DLG2: variants seen among roughly 807,000 people sequenced by gnomAD.
DLG2 encodes the protein discs large MAGUK scaffold protein 2.
Under a neutral mutation model 132.5 loss-of-function variants are expected in DLG2, and 45 were observed. The observed-to-expected ratio is 0.34, with a 90% CI of 0.27 to 0.44. The LOEUF (loss-of-function observed/expected upper bound fraction) is 0.44, where lower values mean the gene tolerates loss of function less well. Ranked by LOEUF, DLG2 falls within the 20% of genes least tolerant of loss-of-function variation. DLG2 has a pLI of 1.00. For synonymous variants in DLG2, 424 were observed against 419.6 expected (o/e 1.01, Z -0.13); for missense variants, 1,045 against 1,196.9 (o/e 0.87, Z 1.87).
intron 15 of DLG2, among the ~76,000 whole-genome samples, chr11:83,914,918 T>A (rs2076681550): frequency 6.6e-6 from 1 of 152,070 alleles, no homozygotes; most frequent in African/African-American, 2.4e-5. Flanking sequence ...GATCTGTGGG[T>A]GTGGATGTGT....
chr11:85,390,184 A>G (rs1235736623), intron 3 of DLG2, among the ~76,000 whole-genome samples: 2 of 152,174 alleles, frequency 1.3e-5, no homozygotes, highest in African/African-American at 2.4e-5. Context: ...AATGAACACC[A>G]AAAGGGAGCA....
intron 6 of DLG2, among the ~76,000 whole-genome samples, chr11:84,599,349 G>C (rs2099570602): frequency 6.6e-6 from 1 of 152,074 alleles, no homozygotes; most frequent in Admixed American, 6.5e-5. Flanking sequence ...ATCCATAAGC[G>C]GTGCTCCCTC....
intron 6 of DLG2, among the ~76,000 whole-genome samples, chr11:84,992,002 TG>T (rs2154125779): frequency 6.6e-6 from 1 of 152,338 alleles, no homozygotes; most frequent in Non-Finnish European, 1.5e-5. Flanking sequence ...ATTCCAATCA[TG>T]AAGGCATCTA....
chr11:84,624,686 A>G (rs1381328700), intron 6 of DLG2, among the ~76,000 whole-genome samples: 1 of 151,468 alleles, frequency 6.6e-6, no homozygotes, highest in East Asian at 1.9e-4. Flanking sequence ...TCCCCATGAC[A>G]TTCCTCCTTT....
In DLG2 at chr11:84,631,048, A is replaced by G. The variant is rs2099631202; in HGVS notation, c.358-96317T>C. Among the ~76,000 whole-genome samples, 3 of 149,476 alleles carry G rather than the reference A, an allele frequency of 2.0e-5. No individual in the cohort carries two copies. In the South Asian group the frequency reaches 6.4e-4, roughly 32 times the overall value. On this transcript the variant is annotated intron_variant, in intron 6 of 27. Coordinates refer to ENST00000376104, the MANE Select transcript of DLG2 (RefSeq NM_001142699.3). ...CACACACACACACACACACACACAC[A>G]CACACACACAGAAACCACGTTTTGT...
chr11:85,379,703 A>T (rs1200818768), intron 3 of DLG2, among the ~76,000 whole-genome samples: 14 of 152,190 alleles, frequency 9.2e-5, no homozygotes, highest in Non-Finnish European at 2.1e-4. Context: ...CCCACAACAC[A>T]AAAGCCTAGA....
At chr11:84,237,118 C>T (rs113245141) in intron 8 of DLG2, among the ~76,000 whole-genome samples, 4,412 of 151,886 alleles carry the variant, frequency 0.029, 76 homozygotes, top group South Asian at 0.075. Context: ...TTAGTAGAGA[C>T]GGGGTTTCAC....
chr11:83,748,321 T>G (rs1216585053), intron 18 of DLG2, among the ~76,000 whole-genome samples: 1 of 152,220 alleles, frequency 6.6e-6, no homozygotes, highest in East Asian at 1.9e-4. Flanking sequence ...AGACCTGTAT[T>G]CTGTTCTCAG....
At chr11:85,269,141 T>C (rs188955843) in intron 4 of DLG2, among the ~76,000 whole-genome samples, 1 of 152,204 alleles carries the variant, frequency 6.6e-6, no homozygotes, top group African/African-American at 2.4e-5. Context: ...GCCCACAATT[T>C]CTTTATTGGA....
intron 8 of DLG2, among the ~76,000 whole-genome samples, chr11:84,203,113 G>A (rs1283193842): frequency 7.6e-6 from 1 of 131,028 alleles, no homozygotes; most frequent in Non-Finnish European, 1.7e-5. Context: ...CCATTACTAG[G>A]TATATACCAA....
intron 3 of DLG2, among the ~76,000 whole-genome samples, chr11:85,466,586 T>C (rs2092798520): frequency 6.6e-6 from 1 of 152,206 alleles, no homozygotes; most frequent in Non-Finnish European, 1.5e-5. Flanking sequence ...CTACTTCTTG[T>C]TTTTGTCAGG....
At chr11:83,906,053 G>GTC (rs57799505) in intron 15 of DLG2, among the ~76,000 whole-genome samples, 3,883 of 128,422 alleles carry the variant, frequency 0.03, 68 homozygotes, top group Admixed American at 0.049. Context: ...CTGTCTGTCT[G>GTC]TCTCTCTCTC....
chr11:84,689,933 G>A, intron 6 of DLG2, among the ~76,000 whole-genome samples: 1 of 151,966 alleles, frequency 6.6e-6, no homozygotes, highest in East Asian at 1.9e-4. Context: ...AAAATATTTT[G>A]TGGATTAAGT....
intron 6 of DLG2, among the ~76,000 whole-genome samples, chr11:84,556,594 C>T (rs898744896): frequency 1.2e-4 from 18 of 152,174 alleles, no homozygotes; most frequent in Admixed American, 1.2e-3. Flanking sequence ...TGTTGGCCCA[C>T]ATTCGAAGCT....
intron 6 of DLG2, among the ~76,000 whole-genome samples, chr11:84,973,164 G>C (rs1486651611): frequency 1.3e-5 from 2 of 151,876 alleles, no homozygotes; most frequent in Non-Finnish European, 2.9e-5. Context: ...TCGCCATGTT[G>C]GCCAGGCTGG....
chr11:85,488,196 C>T (rs954170842), intron 3 of DLG2, among the ~76,000 whole-genome samples: 2 of 152,112 alleles, frequency 1.3e-5, no homozygotes, highest in Non-Finnish European at 2.9e-5. Context: ...TAAGACCAGT[C>T]TGGTGAATGT....
chr11:85,574,535 C>A (rs893239720), intron 3 of DLG2, among the ~76,000 whole-genome samples: 1 of 152,166 alleles, frequency 6.6e-6, no homozygotes, highest in Non-Finnish European at 1.5e-5. Context: ...TTTGTCCCCA[C>A]CAAATCTCAT....
intron 8 of DLG2, among the ~76,000 whole-genome samples, chr11:84,204,905 T>C (rs1404298487): frequency 2.6e-5 from 4 of 152,092 alleles, no homozygotes; most frequent in Admixed American, 1.3e-4. Context: ...GATTTTGCCA[T>C]ACTGGCCAGG....
chr11:84,078,491 A>G (rs976942057), intron 10 of DLG2, among the ~76,000 whole-genome samples: 3 of 152,190 alleles, frequency 2.0e-5, no homozygotes, highest in Non-Finnish European at 2.9e-5. Context: ...TATATCTAGG[A>G]CAATGAATCA....
Sources: gnomAD v4.1 joint callset for allele counts (sites outside exome capture counted in the v4.1 genomes callset) on GRCh38, gnomAD v4.1.1 for gene constraint, MANE v1.5 for transcripts, NCBI Gene and HGNC (gene_info 2026-07-23, HGNC 2026-07-21) for gene names.